UNC80: variants seen among roughly 807,000 people sequenced by gnomAD.
The protein encoded by UNC80 is unc-80 subunit of NALCN channel complex.
In UNC80, 164 loss-of-function variants were observed where a neutral mutation model predicts 384.6. The ratio of observed to expected loss-of-function variants is 0.43; its 90% CI spans 0.38 to 0.49. The LOEUF (loss-of-function observed/expected upper bound fraction) is 0.49. Ranked by LOEUF, UNC80 falls within the 20% of genes least tolerant of loss-of-function variation. The pLI is 0.00. For synonymous variants in UNC80, 1,486 were observed against 1,527.8 expected, an observed-to-expected ratio of 0.97 and a Z score of 0.64; for missense variants, 3,330 against 4,143.0, an observed-to-expected ratio of 0.80 and a Z score of 5.39.
At chr2:209,879,374 T>C (rs1322008846) in intron 24 of UNC80, among the ~76,000 whole-genome samples, 1 of 152,154 alleles carries the variant, frequency 6.6e-6, no homozygotes, top group Non-Finnish European at 1.5e-5. Context: ...ACAACTTGAA[T>C]CTCCATTAGA....
At chr2:209,864,222 T>C (rs2083546773) in intron 22 of UNC80, among the ~76,000 whole-genome samples, 1 of 152,068 alleles carries the variant, frequency 6.6e-6, no homozygotes, top group African/African-American at 2.4e-5. Context: ...GGGTGTCTGC[T>C]CCTTCTGGGA....
Position 209,978,679 on chromosome 2 carries a change from T to G in UNC80, c.9089T>G (p.Leu3030Arg). The G allele has an allele frequency of 6.5e-7, 1 of 1,547,030 alleles. No individual in the cohort carries two copies. Among genetic ancestry groups the G allele is most frequent in the Non-Finnish European group, 8.7e-7 (1 of 1,143,382 alleles). ...TCCCAGCAGGCTTCGCAGGACACCC[T>G]GAGTCGGACTGATGAGGAAGATGAG... ...EPSQQASQDT[L>R]SRTDEEDEEN... is the part of the protein sequence containing the mutation. The change falls in exon 59 of 65, where the codon CTG (leucine) becomes CGG (arginine). Residue 3030 changes from leucine to arginine, a missense_variant. Coordinates refer to ENST00000673920, the MANE Select transcript of UNC80 (RefSeq NM_001371986.1).
Position 209,839,604 on chromosome 2 carries a change from A to G in UNC80, c.3250+174A>G, listed in dbSNP as rs2081592999. 6.6e-6 allele frequency among the ~76,000 whole-genome samples: 1 copy of G among 152,156 alleles called. No homozygotes were observed. Among genetic ancestry groups the G allele is most frequent in the Non-Finnish European group, 1.5e-5 (1 of 68,036 alleles). On this transcript the variant is annotated intron_variant, in intron 19 of 64. Transcript: ENST00000673920. This position sits in a 1 kb window ranked among gnomAD's most constrained non-coding sequence, Gnocchi z 4.1. ...CCACAGTATTTTTCAATACCCTACTATGTGCCTCTTCTGTGTGCAATCACT... is the reference window on the plus strand; with the variant it reads ...CCACAGTATTTTTCAATACCCTACTGTGTGCCTCTTCTGTGTGCAATCACT...
At chr2:209,917,641 T>G (rs2089662688) in intron 31 of UNC80, 136 bp from the exon 32 acceptor site, 8 of 1,015,590 alleles carry the variant, frequency 7.9e-6, no homozygotes, top group Non-Finnish European at 8.4e-6. Flanking sequence ...GGTTTGCTTT[T>G]GCCAGTGCTG....
In UNC80 at chr2:209,792,976, C is replaced by T. The variant is rs1337753823; in HGVS notation, c.799-744C>T. Reference sequence around the variant, plus strand: ...TCAGAAGACTTAATTCATGAAATTTCTAGCTGTATTTATCTCTCTGTCCAT... The same window carrying T: ...TCAGAAGACTTAATTCATGAAATTTTTAGCTGTATTTATCTCTCTGTCCAT... On this transcript the variant is annotated intron_variant, in intron 6 of 64. Coordinates refer to ENST00000673920, the MANE Select transcript of UNC80 (RefSeq NM_001371986.1). Among the ~76,000 whole-genome samples the T allele has an allele frequency of 2.0e-5, 3 of 152,158 alleles. No homozygotes were observed. The East Asian group carries it at 5.8e-4, about 29-fold the overall frequency.
At chr2:209,850,860 G>A (rs2082480741) in intron 22 of UNC80, among the ~76,000 whole-genome samples, 1 of 152,040 alleles carries the variant, frequency 6.6e-6, no homozygotes, top group Non-Finnish European at 1.5e-5. Flanking sequence ...AAGCAGGAGA[G>A]CTTGACAAGG....
chr2:209,995,509 G>A lies in UNC80; in HGVS notation c.9889G>A (p.Glu3297Lys). 6.4e-7 allele frequency: 1 copy of A among 1,551,834 alleles called. No homozygotes were observed. Among genetic ancestry groups the A allele is most frequent in the Non-Finnish European group, 8.7e-7 (1 of 1,147,030 alleles). ...VLHISEENGM[E>K]NPLLSSQFTF... The stretch of plus-strand genomic sequence containing the variant: ...TCATATCAGTGAGGAAAATGGCATG[G>A]AGAACCCGCTACTATCTAGTCAGTT... The change falls in exon 65 of 65, where the codon GAG becomes AAG. Residue 3297 changes from glutamate to lysine, a missense_variant. Glu to Lys is a moderately conservative substitution (Grantham distance 56, BLOSUM62 1). This residue lies in a region of UNC80 where 236 missense variants were observed against 254.9 expected (regional missense o/e 0.93). Coordinates refer to ENST00000673920, the MANE Select transcript of UNC80 (RefSeq NM_001371986.1).
intron 7 of UNC80, among the ~76,000 whole-genome samples, chr2:209,805,604 CTG>C (rs2078841561): frequency 6.6e-6 from 1 of 152,200 alleles, no homozygotes; most frequent in Non-Finnish European, 1.5e-5. Context: ...TCCTCACCAT[CTG>C]TGTCTCTCCA....
At chr2:209,825,790 G>T in intron 13 of UNC80, 117 bp from the exon 14 acceptor site, 2 of 920,924 alleles carry the variant, frequency 2.2e-6, no homozygotes, top group South Asian at 6.5e-5. Context: ...TTTCCAAATT[G>T]CAGGTGCTCC....
intron 44 of UNC80, 75 bp from the exon 45 acceptor site, chr2:209,943,305 C>A: frequency 6.6e-7 from 1 of 1,517,290 alleles, no homozygotes; most frequent in African/African-American, 1.4e-5. Context: ...CTTCCCATGA[C>A]CATGAGTTTT....
intron 61 of UNC80, among the ~76,000 whole-genome samples, chr2:209,990,067 A>G (rs575385901): frequency 5.3e-5 from 8 of 152,282 alleles, no homozygotes; most frequent in Admixed American, 5.2e-4. Flanking sequence ...TATAAACTTG[A>G]TACGTCTCTT....
intron 47 of UNC80, among the ~76,000 whole-genome samples, chr2:209,948,555 C>T (rs1429068829): frequency 6.6e-6 from 1 of 151,994 alleles, no homozygotes; most frequent in East Asian, 1.9e-4. Context: ...TGTGTGATTT[C>T]TTAGTGTTTT....
chr2:209,906,936 C>T (rs1315167953), intron 29 of UNC80, among the ~76,000 whole-genome samples: 1 of 152,142 alleles, frequency 6.6e-6, no homozygotes, highest in Non-Finnish European at 1.5e-5. Context: ...TCATTGTTCT[C>T]CATACACACT....
intron 22 of UNC80, among the ~76,000 whole-genome samples, chr2:209,864,228 T>C (rs1219005697): frequency 6.6e-6 from 1 of 152,108 alleles, no homozygotes; most frequent in African/African-American, 2.4e-5. Flanking sequence ...CTGCTCCTTC[T>C]GGGACCTCTG....
Position 209,894,126 on chromosome 2 carries a change from AG to A in UNC80, c.4277-31del. On this transcript the variant is annotated intron_variant, in intron 26 of 64. Coordinates refer to ENST00000673920, the MANE Select transcript of UNC80 (RefSeq NM_001371986.1). The stretch of plus-strand genomic sequence containing the variant: ...GATATAACACTGGCTGGGGAACACT[AG>A]GGGGGAAAAAGCCCTATTTTATTCT... The A allele has an allele frequency of 6.1e-6, 6 of 982,648 alleles. No individual in the cohort carries two copies. In the South Asian group the frequency reaches 1.9e-4, roughly 31 times the overall value. The allele number at this position is 982,648 out of a possible 1,614,324, so 60.9% of individuals were successfully genotyped here.
chr2:209,948,328 C>G (rs563643119), intron 47 of UNC80, among the ~76,000 whole-genome samples: 2 of 152,130 alleles, frequency 1.3e-5, no homozygotes, highest in Non-Finnish European at 2.9e-5. Context: ...ATGGCCTCAT[C>G]AACACTTGTT....
chr2:209,901,687 G>C (rs781194310), intron 28 of UNC80, among the ~76,000 whole-genome samples: 1 of 152,146 alleles, frequency 6.6e-6, no homozygotes, highest in Non-Finnish European at 1.5e-5. Context: ...AGCACTTTGG[G>C]AGGCCGAGAC....
At chr2:209,840,782 G>A in intron 20 of UNC80, 134 bp downstream of exon 20, 2 of 690,090 alleles carry the variant, frequency 2.9e-6, no homozygotes, top group Non-Finnish European at 4.8e-6. Context: ...GCTAACTTTG[G>A]AAACTTAGAT....
At chr2:209,803,575 A>C (rs758989107) in intron 7 of UNC80, among the ~76,000 whole-genome samples, 1 of 152,180 alleles carries the variant, frequency 6.6e-6, no homozygotes, top group Non-Finnish European at 1.5e-5. Context: ...AGTATATGCC[A>C]CCATTATTGG....
Sources: allele counts gnomAD v4.1 joint callset (sites outside exome capture counted in the v4.1 genomes callset), GRCh38; gene constraint gnomAD v4.1.1; regional missense constraint gnomAD v4.1.1; non-coding constraint Gnocchi (gnomAD v3.1); transcripts MANE v1.5; gene names NCBI Gene and HGNC (gene_info 2026-07-23, HGNC 2026-07-21).